Variants in TBC1D12 observed in about 807,000 individuals in gnomAD.
The protein encoded by TBC1D12 is TBC1 domain family member 12, also known as TBC1 domain family, member 12.
A neutral mutation model predicts 86.7 loss-of-function variants in TBC1D12; 56 were observed. The observed-to-expected ratio is 0.65, with a 90% CI of 0.52 to 0.81. The LOEUF is 0.81. TBC1D12 is among the 30% of genes least tolerant of loss of function. The pLI is 0.00. For synonymous variants in TBC1D12, 421 were observed against 411.7 expected, an observed-to-expected ratio of 1.02 and a Z score of -0.27; for missense variants, 1,023 against 1,038.8, an observed-to-expected ratio of 0.98 and a Z score of 0.21.
chr10:94,490,232 G>A (rs1450735573), intron 3 of TBC1D12, among the ~76,000 whole-genome samples: 2 of 151,846 alleles, frequency 1.3e-5, no homozygotes, highest in Non-Finnish European at 2.9e-5. Context: ...TCCAGCCTAG[G>A]TGACAAGAGT....
At chr10:94,459,604 G>C (rs1032180220) in intron 2 of TBC1D12, among the ~76,000 whole-genome samples, 2 of 152,256 alleles carry the variant, frequency 1.3e-5, no homozygotes, top group African/African-American at 4.8e-5. Context: ...GTTGGGGGGA[G>C]CTCGGGCATG....
chr10:94,469,670 G>A (rs1404433700), intron 2 of TBC1D12, among the ~76,000 whole-genome samples: 1 of 151,912 alleles, frequency 6.6e-6, no homozygotes, highest in Non-Finnish European at 1.5e-5. Context: ...GGCTGGTCTC[G>A]AACTCCTGAC....
At chr10:94,488,259 G>A (rs139741610) in intron 3 of TBC1D12, among the ~76,000 whole-genome samples, 2,158 of 151,508 alleles carry the variant, frequency 0.014, 59 homozygotes, top group African/African-American at 0.047. Context: ...ATGGTGGCAC[G>A]TGCCTGTAAT....
At chr10:94,436,939 C>T (rs1188371937) in intron 1 of TBC1D12, among the ~76,000 whole-genome samples, 1 of 152,030 alleles carries the variant, frequency 6.6e-6, no homozygotes, top group Non-Finnish European at 1.5e-5. Flanking sequence ...ATCTCTTGAC[C>T]TCGTGATCTA....
intron 12 of TBC1D12, among the ~76,000 whole-genome samples, chr10:94,532,214 G>T (rs560090444): frequency 1.3e-4 from 19 of 151,844 alleles, no homozygotes; most frequent in Non-Finnish European, 2.8e-4. Context: ...GTCTCACTCT[G>T]TCGCCCAGGC....
intron 2 of TBC1D12, among the ~76,000 whole-genome samples, chr10:94,450,064 G>T (rs756025786): frequency 2.6e-5 from 4 of 152,078 alleles, no homozygotes; most frequent in Non-Finnish European, 5.9e-5. Context: ...CAGAATTCTT[G>T]AATTGATCTT....
At chr10:94,454,506 C>T (rs1013373878) in intron 2 of TBC1D12, among the ~76,000 whole-genome samples, 14 of 152,146 alleles carry the variant, frequency 9.2e-5, no homozygotes, top group African/African-American at 1.9e-4. Flanking sequence ...CCACTGCGCC[C>T]GGCGAGTCTT....
chr10:94,521,513 G>A (rs1279388228), intron 9 of TBC1D12, among the ~76,000 whole-genome samples: 2 of 151,920 alleles, frequency 1.3e-5, no homozygotes, highest in Non-Finnish European at 2.9e-5. Flanking sequence ...CTCCTTTCTT[G>A]GTATTTCAGC....
intron 1 of TBC1D12, among the ~76,000 whole-genome samples, chr10:94,429,505 T>A (rs1289387988): frequency 1.3e-5 from 2 of 152,178 alleles, no homozygotes; most frequent in African/African-American, 4.8e-5. Context: ...TCCAGAATAC[T>A]CAAGGGTAAC....
chr10:94,440,879 G>T (rs2055370658), intron 1 of TBC1D12, among the ~76,000 whole-genome samples: 1 of 148,566 alleles, frequency 6.7e-6, no homozygotes, highest in African/African-American at 2.6e-5. Flanking sequence ...TAATACTTGT[G>T]CAGGGTGCAC....
Position 94,403,305 on chromosome 10 carries a change from A to G in TBC1D12, c.692A>G (p.Glu231Gly). ...DSPASSCSSS[E>G]DSEQRGVGAG... ...CCCGCCAGCAGCTGCAGCAGTAGCG[A>G]GGACTCAGAGCAGCGGGGAGTCGGC... The change falls in exon 1 of 13, where the codon GAG becomes GGG. Residue 231 changes from glutamate to glycine, a missense_variant. By Grantham distance (98) the Glu-to-Gly change is moderately conservative. Transcript: ENST00000225235. 1 of 1,511,962 alleles carries G rather than the reference A, an allele frequency of 6.6e-7. No individual in the cohort carries two copies. Among genetic ancestry groups the G allele is most frequent in the Non-Finnish European group, 8.8e-7 (1 of 1,131,208 alleles). The allele number at this position is 1,511,962 out of a possible 1,614,324, so 93.7% of individuals were successfully genotyped here.
chr10:94,406,715 G>T (rs2054858427), intron 1 of TBC1D12, among the ~76,000 whole-genome samples: 1 of 152,208 alleles, frequency 6.6e-6, no homozygotes, highest in Admixed American at 6.5e-5. Flanking sequence ...ATGCATAGTT[G>T]CTATTCTCAA....
chr10:94,479,279 T>G (rs1165323103), intron 3 of TBC1D12, among the ~76,000 whole-genome samples: 2 of 152,160 alleles, frequency 1.3e-5, no homozygotes, highest in Non-Finnish European at 2.9e-5. Context: ...AATATCACTC[T>G]TTACCTGAAA....
intron 2 of TBC1D12, among the ~76,000 whole-genome samples, chr10:94,468,761 C>A (rs1202822355): frequency 6.6e-6 from 1 of 152,050 alleles, no homozygotes; most frequent in Admixed American, 6.6e-5. Flanking sequence ...AAATATTGTT[C>A]TCCCTCGTAC....
In TBC1D12 at chr10:94,522,682, G is replaced by A. The variant is rs565065288; in HGVS notation, c.2000+229G>A. Reference sequence around the variant, plus strand: ...TAATCCGAGCACTTTGGGAGGCCGAGGTGGGCGGATCACCTGAGGTCAGGA... The same window carrying A: ...TAATCCGAGCACTTTGGGAGGCCGAAGTGGGCGGATCACCTGAGGTCAGGA... On this transcript the variant is annotated intron_variant, in intron 11 of 12. Transcript: ENST00000225235. 2.0e-5 allele frequency among the ~76,000 whole-genome samples: 3 copies of A among 152,172 alleles called. No individual in the cohort carries two copies. The East Asian group carries it at 5.8e-4, about 29-fold the overall frequency.
At position 94,531,297 on chromosome 10, in the gene TBC1D12, CTGGATTAGGAA is replaced by C; in HGVS notation, c.2098_2108del (p.Gly700ProfsTer5). 1 of 1,614,086 alleles carries C rather than the reference CTGGATTAGGAA, an allele frequency of 6.2e-7. No individual in the cohort carries two copies. The highest frequency in any genetic ancestry group is 8.5e-7 in the Non-Finnish European group (1 of 1,180,018). ...GATGGGGAAGAATTTTTATTTAGGACTGGATTAGGAATCCTCCGATTATATGAAGATATTCT... is the reference window on the plus strand; with the variant it reads ...GATGGGGAAGAATTTTTATTTAGGACTCCTCCGATTATATGAAGATATTCT... On this transcript the variant is annotated frameshift_variant, in exon 12 of 13. Transcript: ENST00000225235. LOFTEE classifies it high-confidence loss of function.
intron 1 of TBC1D12, among the ~76,000 whole-genome samples, chr10:94,434,270 C>G (rs2055261826): frequency 6.6e-6 from 1 of 152,114 alleles, no homozygotes; most frequent in Non-Finnish European, 1.5e-5. Context: ...CTTTGGGAGG[C>G]CGAGGCAGGT....
intron 11 of TBC1D12, among the ~76,000 whole-genome samples, chr10:94,526,186 C>CT (rs1387286338): frequency 1.3e-5 from 2 of 152,116 alleles, no homozygotes; most frequent in Non-Finnish European, 2.9e-5. Flanking sequence ...AATCCTAGCA[C>CT]TTTGGGAGGC....
chr10:94,414,179 T>C (rs1413717796), intron 1 of TBC1D12, among the ~76,000 whole-genome samples: 1 of 152,106 alleles, frequency 6.6e-6, no homozygotes, highest in Non-Finnish European at 1.5e-5. Flanking sequence ...GTTAAGGTGG[T>C]AAGAAGATGA....
Sources: gnomAD v4.1 joint callset for allele counts (sites outside exome capture counted in the v4.1 genomes callset) on GRCh38, gnomAD v4.1.1 for gene constraint, MANE v1.5 for transcripts, NCBI Gene and HGNC (gene_info 2026-07-23, HGNC 2026-07-21) for gene names.